Variants in IFT122 observed in about 807,000 individuals in gnomAD.
IFT122 encodes the protein intraflagellar transport 122.
In IFT122, 118 loss-of-function variants were observed where a neutral mutation model predicts 161.6. That is an observed-to-expected ratio of 0.73 (90% CI 0.63 to 0.85). IFT122 has a LOEUF of 0.85. Ranked by LOEUF, IFT122 falls within the 40% of genes least tolerant of loss-of-function variation. The probability of loss-of-function intolerance (pLI) is 0.00; values close to 1 mark genes in which losing one functional copy is unlikely to be tolerated. For missense variants in IFT122, 1,381 were observed against 1,579.6 expected (o/e 0.87, Z 2.13); for synonymous variants, 550 against 602.4 (o/e 0.91, Z 1.27).
At chr3:129,501,634 C>G (rs2081561783) in intron 19 of IFT122, among the ~76,000 whole-genome samples, 1 of 152,214 alleles carries the variant, frequency 6.6e-6, no homozygotes, top group Non-Finnish European at 1.5e-5. Flanking sequence ...GCTATAGTAT[C>G]AGGTTACCCT....
intron 20 of IFT122, among the ~76,000 whole-genome samples, chr3:129,503,615 A>C (rs935886141): frequency 6.6e-6 from 1 of 152,014 alleles, no homozygotes; most frequent in Non-Finnish European, 1.5e-5. Context: ...GAGTGAAAGC[A>C]AAGCCTTCAC....
At chr3:129,479,969 C>T (rs1201583005) in intron 13 of IFT122, 47 bp downstream of exon 13, 1 of 1,611,052 alleles carries the variant, frequency 6.2e-7, no homozygotes, top group South Asian at 1.1e-5. Context: ...TCTGCATGCA[C>T]ACGTGGGTGA....
chr3:129,514,008 C>T (rs1349574968), intron 24 of IFT122: 4 of 366,982 alleles, frequency 1.1e-5, no homozygotes, highest in South Asian at 2.1e-5. Context: ...GGACCAGGCC[C>T]CACCTGGCAG....
intron 12 of IFT122, 64 bp downstream of exon 12, chr3:129,478,282 G>C: frequency 7.2e-7 from 1 of 1,387,240 alleles, no homozygotes; most frequent in Non-Finnish European, 1.0e-6. Context: ...CCAGTGATAG[G>C]GTGCCCACCT....
intron 16 of IFT122, 63 bp from the exon 17 acceptor site, chr3:129,492,078 G>T: frequency 7.9e-7 from 1 of 1,264,588 alleles, no homozygotes; most frequent in South Asian, 1.2e-5. Flanking sequence ...CCCACCCCTA[G>T]CCAATCACCC....
chr3:129,476,080 G>T, intron 9 of IFT122: 1 of 558,366 alleles, frequency 1.8e-6, no homozygotes, highest in East Asian at 3.2e-5. Context: ...GGTGGGACTA[G>T]GGGAGGTGCC....
chr3:129,477,708 G>A (rs2078124248), intron 11 of IFT122, among the ~76,000 whole-genome samples: 1 of 152,200 alleles, frequency 6.6e-6, no homozygotes, highest in Admixed American at 6.5e-5. Flanking sequence ...GCAGGCTTCT[G>A]ATCACCGGGG....
intron 20 of IFT122, chr3:129,503,938 A>G (rs1356773946): frequency 8.8e-6 from 3 of 339,328 alleles, no homozygotes; most frequent in African/African-American, 6.5e-5. Context: ...ACAACTGATA[A>G]GAAGTGGTGA....
chr3:129,511,125 C>G (rs2082772374), intron 23 of IFT122, among the ~76,000 whole-genome samples: 1 of 152,190 alleles, frequency 6.6e-6, no homozygotes, highest in Non-Finnish European at 1.5e-5. Context: ...CAGGGCAAGA[C>G]TGGAAAGGGA....
intron 8 of IFT122, 62 bp from the exon 9 acceptor site, chr3:129,469,280 T>G (rs2077120857): frequency 6.5e-6 from 9 of 1,393,970 alleles, no homozygotes; most frequent in Non-Finnish European, 8.2e-6. Flanking sequence ...TTTAAGCCCT[T>G]AGAGCTATAC....
At chr3:129,476,894 T>G in intron 11 of IFT122, 93 bp downstream of exon 11, 7 of 1,548,102 alleles carry the variant, frequency 4.5e-6, no homozygotes, top group African/African-American at 2.7e-5. Flanking sequence ...GGAAAAGGTT[T>G]CTCTTTGGCG....
chr3:129,480,010 TCAGGG>T, intron 13 of IFT122, 88 bp downstream of exon 13: 3 of 1,533,370 alleles, frequency 2.0e-6, no homozygotes, highest in East Asian at 2.3e-5. Flanking sequence ...AGCTGGGTTC[TCAGGG>T]CAGGAAAAGG....
Position 129,497,647 on chromosome 3 carries a change from C to T in IFT122, c.2208+2040C>T, listed in dbSNP as rs145719710. Among the ~76,000 whole-genome samples the T allele has an allele frequency of 5.9e-5, 9 of 152,218 alleles. No individual in the cohort carries two copies. The South Asian group carries it at 8.3e-4, about 14-fold the overall frequency. The stretch of plus-strand genomic sequence containing the variant: ...GCCCATTTACACACTCCATTTGCTC[C>T]GTCTCTCTATGAAGGTAAATACTCT... On this transcript the variant is annotated intron_variant, in intron 18 of 29. Transcript: ENST00000348417.
intron 16 of IFT122, among the ~76,000 whole-genome samples, chr3:129,491,031 A>T (rs929981216): frequency 1.3e-5 from 2 of 152,210 alleles, no homozygotes; most frequent in African/African-American, 4.8e-5. Flanking sequence ...TTAATTGACC[A>T]GCTTTCCCTG....
chr3:129,485,624 C>T (rs2079183974), intron 15 of IFT122, among the ~76,000 whole-genome samples: 1 of 152,244 alleles, frequency 6.6e-6, no homozygotes, highest in Non-Finnish European at 1.5e-5. Flanking sequence ...TTGCCCCAAA[C>T]TAGCTCTGCT....
rs1412332570 is a variant in IFT122, at chr3:129,478,136, A to G, written c.1268A>G (p.His423Arg). 1 of 1,614,230 alleles carries G rather than the reference A, an allele frequency of 6.2e-7. No homozygotes were observed. The highest frequency in any genetic ancestry group is 1.3e-5 in the African/African-American group (1 of 75,062). Residue 423 changes from histidine (H) to arginine (R), a missense_variant, in exon 12 of 30, where the codon CAT becomes CGT. Transcript: ENST00000348417. ...TATTCAGAGGACTTATCAGACATGC[A>G]TTACCGGGTAAAGGAGAAGATTATC... Reference protein sequence around the residue: ...ELYSEDLSDMHYRVKEKIIKK... With the variant: ...ELYSEDLSDMRYRVKEKIIKK...
chr3:129,466,977 T>C lies in IFT122; in HGVS notation c.651T>C (p.Thr217=). Residue 217 remains threonine, a synonymous_variant, in exon 8 of 30, where the codon ACT becomes ACC. Coordinates refer to ENST00000348417, the MANE Select transcript of IFT122 (RefSeq NM_052989.3). ...GATATATTCAGGAAATCCCTTCCAC[T>C]CTGAAGTCAGCAGTGTACAGTAGTC... The part of the protein sequence containing the change: ...VNRYIQEIPS[T]LKSAVYSSQG... 1.2e-6 allele frequency: 2 copies of C among 1,614,126 alleles called. No homozygotes were observed. The highest frequency in any genetic ancestry group is 1.7e-6 in the Non-Finnish European group (2 of 1,179,952).
At chr3:129,483,899 A>C in intron 15 of IFT122, 1 of 617,298 alleles carries the variant, frequency 1.6e-6, no homozygotes, top group South Asian at 1.8e-5. Context: ...CCTGAGTATC[A>C]GTTTCTTCCT....
intron 13 of IFT122, 43 bp from the exon 14 acceptor site, chr3:129,481,487 G>T (rs1174170006): frequency 7.0e-7 from 1 of 1,422,598 alleles, no homozygotes; most frequent in African/African-American, 1.4e-5. Flanking sequence ...CCAGGATCTT[G>T]TTGCCATGGT....
Sources: allele counts gnomAD v4.1 joint callset (sites outside exome capture counted in the v4.1 genomes callset), GRCh38; gene constraint gnomAD v4.1.1; transcripts MANE v1.5; gene names NCBI Gene and HGNC (gene_info 2026-07-23, HGNC 2026-07-21).